The following CDKL5 variants were observed in gnomAD, a reference collection of about 807,000 sequenced individuals.
The protein encoded by CDKL5 is cyclin-dependent kinase-like 5.
Under a neutral mutation model 61.7 loss-of-function variants are expected in CDKL5, and 8 were observed. That is an observed-to-expected ratio of 0.13 (90% confidence interval 0.08 to 0.23). The LOEUF is 0.23. Ranked by LOEUF, CDKL5 falls within the 10% of genes least tolerant of loss-of-function variation. The pLI is 1.00. For missense variants in CDKL5, 440 were observed against 734.5 expected, an observed-to-expected ratio of 0.60 and a Z score of 4.63; for synonymous variants, 275 against 272.3, an observed-to-expected ratio of 1.01 and a Z score of -0.10.
chrX:18,552,382 G>T (rs1330735421), intron 3 of CDKL5, among the ~76,000 whole-genome samples: 1 of 112,109 alleles, frequency 8.9e-6, no homozygotes, highest in Non-Finnish European at 1.9e-5. Flanking sequence ...AAAGTGTTAG[G>T]CTATGGTAGA....
intron 21 of CDKL5, among the ~76,000 whole-genome samples, chrX:18,651,558 G>A (rs1383008518): frequency 1.8e-5 from 2 of 110,965 alleles, no homozygotes; most frequent in Non-Finnish European, 3.8e-5. Context: ...AAGGTCCCTC[G>A]GACTGAGTAT....
intron 1 of CDKL5, among the ~76,000 whole-genome samples, chrX:18,468,283 C>T (rs1426083723): frequency 4.5e-5 from 5 of 112,254 alleles, no homozygotes; most frequent in Admixed American, 1.9e-4. Context: ...TCAGAATGTG[C>T]GGATACTGTA....
At chrX:18,488,924 A>G (rs940053514) in intron 1 of CDKL5, among the ~76,000 whole-genome samples, 15 of 112,017 alleles carry the variant, frequency 1.3e-4, no homozygotes, top group African/African-American at 4.9e-4. Flanking sequence ...CACACTTTGT[A>G]GCAGTAAGAT....
chrX:18,605,639 A>G, intron 12 of CDKL5, among the ~76,000 whole-genome samples: 1 of 112,614 alleles, frequency 8.9e-6, no homozygotes, highest in Non-Finnish European at 1.9e-5. Context: ...GCATTCTTAC[A>G]GTAGAGCATG....
At chrX:18,566,581 A>G (rs1034418039) in intron 4 of CDKL5, among the ~76,000 whole-genome samples, 3 of 112,342 alleles carry the variant, frequency 2.7e-5, no homozygotes, top group East Asian at 2.8e-4. Context: ...AATCTAGTGT[A>G]TCCGTTGAAA....
chrX:18,435,938 G>C (rs1433471096), intron 1 of CDKL5, among the ~76,000 whole-genome samples: 1 of 110,851 alleles, frequency 9.0e-6, no homozygotes, highest in Non-Finnish European at 1.9e-5. Flanking sequence ...ACAAGGTAGG[G>C]GTTAGGGTGC....
At chrX:18,530,801 A>G (rs1923618262) in intron 3 of CDKL5, among the ~76,000 whole-genome samples, 1 of 111,730 alleles carries the variant, frequency 9.0e-6, no homozygotes, top group Admixed American at 9.5e-5. Context: ...GTAAGGTTAT[A>G]TGTTAATCTG....
At chrX:18,428,852 A>G (rs1255207074) in intron 1 of CDKL5, among the ~76,000 whole-genome samples, 3 of 111,054 alleles carry the variant, frequency 2.7e-5, no homozygotes, top group Non-Finnish European at 5.7e-5. Flanking sequence ...TCAACTTAGG[A>G]CAATAATGCA....
chrX:18,530,588 T>G (rs1923609545), intron 3 of CDKL5, among the ~76,000 whole-genome samples: 1 of 111,761 alleles, frequency 8.9e-6, no homozygotes, highest in Non-Finnish European at 1.9e-5. Context: ...CTTTTCCTAT[T>G]AGAGCCCTTA....
At position 18,633,731 on chromosome X, in the gene CDKL5, A is replaced by T; in HGVS notation, c.*4974A>T. On this transcript the variant is annotated 3_prime_UTR_variant, in exon 18 of 18. Transcript: ENST00000623535. The stretch of plus-strand genomic sequence containing the variant: ...TTTCTTTGTGAATTGAATGTACGAT[A>T]CAAATGGTAGGCCTTCATGTGAGCC... The T allele has an allele frequency of 2.7e-6, 2 of 753,669 alleles. No homozygotes were observed. Among genetic ancestry groups the T allele is most frequent in the African/African-American group, 2.3e-5 (1 of 43,625 alleles). The allele number at this position is 753,669 out of a possible 1,213,427, so 62.1% of individuals were successfully genotyped here. A position where few individuals can be genotyped will look rare whatever the true frequency, so the allele number is the denominator to read the frequency against.
At chrX:18,571,437 A>G (rs1925132906) in intron 4 of CDKL5, among the ~76,000 whole-genome samples, 1 of 111,484 alleles carries the variant, frequency 9.0e-6, no homozygotes, top group African/African-American at 3.3e-5. Context: ...CCCAGCCTTG[A>G]TAAAGAATCC....
intron 1 of CDKL5, among the ~76,000 whole-genome samples, chrX:18,432,095 CTTTCTTTTTTTTT>C (rs1301094054): frequency 9.7e-6 from 1 of 102,779 alleles, no homozygotes; most frequent in Admixed American, 1.1e-4. Flanking sequence ...TTCTTTCTTT[CTTTCTTTTTTTTT>C]TTTTTTTTGA....
intron 12 of CDKL5, 68 bp downstream of exon 12, chrX:18,604,936 G>A: frequency 8.8e-7 from 1 of 1,132,290 alleles, no homozygotes; most frequent in South Asian, 1.8e-5. Context: ...GATGTGATGA[G>A]GGTCCATCTA....
chrX:18,436,765 G>A (rs538244529), intron 1 of CDKL5, among the ~76,000 whole-genome samples: 2 of 108,108 alleles, frequency 1.8e-5, no homozygotes, highest in African/African-American at 6.7e-5. Flanking sequence ...AAGTGTGGTG[G>A]TATGTGCCTG....
chrX:18,647,521 A>G (rs1294500739), intron 20 of CDKL5: 1 of 462,141 alleles, frequency 2.2e-6, no homozygotes, highest in Non-Finnish European at 3.8e-6. Flanking sequence ...AAAGGAATGA[A>G]GGATGAAGTA....
In CDKL5 at chrX:18,604,355, T is replaced by C. The variant is rs143992148; in HGVS notation, c.1431T>C (p.Ser477=). 4.3e-4 allele frequency: 525 copies of C among 1,207,197 alleles called. No individual in the cohort carries two copies. The highest frequency in any genetic ancestry group is 5.5e-4 in the Non-Finnish European group (490 of 893,441). The stretch of plus-strand genomic sequence containing the variant: ...ATATTGACACAATTCCCCAGTCCTC[T>C]AGGAGTCCCTCCTACAGGACCAAGG... The part of the protein sequence containing the change: ...HSYIDTIPQS[S]RSPSYRTKAK... Residue 477 remains serine, a synonymous_variant, in exon 12 of 18, where the codon TCT becomes TCC. Transcript: ENST00000623535.
chrX:18,440,635 A>AG (rs1414738360), intron 1 of CDKL5, among the ~76,000 whole-genome samples: 1 of 111,870 alleles, frequency 8.9e-6, no homozygotes, highest in African/African-American at 3.2e-5. Flanking sequence ...CACCACACCT[A>AG]GGTAATTTTG....
chrX:18,642,101 G>C, downstream of CDKL5: 1 of 1,211,700 alleles, frequency 8.3e-7, no homozygotes, highest in Non-Finnish European at 1.1e-6. Flanking sequence ...GGAGATGATG[G>C]GGGGCCGCAG....
At chrX:18,619,157 CTTTTTT>C (rs773761463) in intron 15 of CDKL5, among the ~76,000 whole-genome samples, 1 of 80,841 alleles carries the variant, frequency 1.2e-5, no homozygotes, top group Admixed American at 1.4e-4. Context: ...CCCGTGAAAG[CTTTTTT>C]TTTTTTTTTT....
Sources: gnomAD v4.1 joint callset for allele counts (sites outside exome capture counted in the v4.1 genomes callset) on GRCh38, gnomAD v4.1.1 for gene constraint, MANE v1.5 for transcripts, NCBI Gene and HGNC (gene_info 2026-07-23, HGNC 2026-07-21) for gene names.